MAGI2: variants seen among roughly 807,000 people sequenced by gnomAD.
MAGI2 encodes the protein membrane-associated guanylate kinase, WW and PDZ domain-containing protein 2.
MAGI2 carries 35 observed loss-of-function variants against 133.3 expected under a neutral mutation model. That is an observed-to-expected ratio of 0.26 (90% confidence interval 0.20 to 0.35). The LOEUF (loss-of-function observed/expected upper bound fraction) is 0.35, where lower values mean the gene tolerates loss of function less well. Ranked by LOEUF, MAGI2 falls within the 10% of genes least tolerant of loss-of-function variation. The pLI is 1.00. For synonymous variants in MAGI2, 729 were observed against 710.6 expected (o/e 1.03, Z -0.41); for missense variants, 1,636 against 1,863.4 (o/e 0.88, Z 2.25).
intron 1 of MAGI2, among the ~76,000 whole-genome samples, chr7:79,318,884 T>C (rs906860445): frequency 6.6e-6 from 1 of 152,204 alleles, no homozygotes; most frequent in African/African-American, 2.4e-5. Context: ...TCTCTGTATA[T>C]GAATTACAGT....
intron 9 of MAGI2, among the ~76,000 whole-genome samples, chr7:78,257,333 A>G (rs568190121): frequency 1.3e-5 from 2 of 152,218 alleles, no homozygotes; most frequent in Non-Finnish European, 2.9e-5. Context: ...GTGGACTATT[A>G]TTAATATGAT....
At chr7:79,237,547 T>G (rs1385418995) in intron 1 of MAGI2, among the ~76,000 whole-genome samples, 1 of 152,160 alleles carries the variant, frequency 6.6e-6, no homozygotes, top group Non-Finnish European at 1.5e-5. Flanking sequence ...TAATCCTCAA[T>G]GCAGAGAGAT....
In MAGI2 at chr7:78,670,567, A is replaced by T. The variant is rs1054368346; in HGVS notation, c.419-43328T>A. ...GACTTTCTTCACAGAATTGGAAAACATTACTTTAAAGTTCATATGGAACCA... is the reference window on the plus strand; with the variant it reads ...GACTTTCTTCACAGAATTGGAAAACTTTACTTTAAAGTTCATATGGAACCA... On this transcript the variant is annotated intron_variant, in intron 2 of 21. Coordinates refer to ENST00000354212, the MANE Select transcript of MAGI2 (RefSeq NM_012301.4). Among the ~76,000 whole-genome samples the T allele has an allele frequency of 5.9e-5, 9 of 152,288 alleles. No individual in the cohort carries two copies. In the South Asian group the frequency reaches 1.4e-3, roughly 25 times the overall value.
chr7:79,083,301 TTA>T (rs376430883), intron 1 of MAGI2, among the ~76,000 whole-genome samples: 42 of 23,266 alleles, frequency 1.8e-3, no homozygotes, highest in Admixed American at 7.2e-3. Context: ...AAGTATGATG[TTA>T]TTTTTTTTTT....
intron 9 of MAGI2, among the ~76,000 whole-genome samples, chr7:78,302,164 A>G (rs1034009756): frequency 1.3e-5 from 2 of 152,270 alleles, no homozygotes; most frequent in African/African-American, 4.8e-5. Context: ...TTATTGAATT[A>G]CATTAAATAT....
chr7:78,427,656 A>C (rs1799412272), intron 6 of MAGI2, among the ~76,000 whole-genome samples: 1 of 142,712 alleles, frequency 7.0e-6, no homozygotes, highest in Non-Finnish European at 1.5e-5. Flanking sequence ...GAGAACAAAA[A>C]GACAAAAAAA....
chr7:78,706,760 A>G lies in MAGI2; in HGVS notation c.419-79521T>C, dbSNP rs556099106. Among the ~76,000 whole-genome samples the G allele has an allele frequency of 3.2e-4, 48 of 152,216 alleles. 4 individuals are homozygous for G. The South Asian group carries it at 8.1e-3, about 26-fold the overall frequency. On this transcript the variant is annotated intron_variant, in intron 2 of 21. Coordinates refer to ENST00000354212, the MANE Select transcript of MAGI2 (RefSeq NM_012301.4). ...AAGATAGCTTGGCAAAGGTAGTGAA[A>G]CTGCAGCCAGCCCTGAAACAATGCA...
chr7:78,855,839 C>T (rs1793588836), intron 2 of MAGI2, among the ~76,000 whole-genome samples: 1 of 152,224 alleles, frequency 6.6e-6, no homozygotes, highest in Non-Finnish European at 1.5e-5. Context: ...CACTGTCTTC[C>T]ACAATGGTTG....
intron 6 of MAGI2, among the ~76,000 whole-genome samples, chr7:78,420,304 A>G (rs1798680978): frequency 6.6e-6 from 1 of 152,216 alleles, no homozygotes; most frequent in African/African-American, 2.4e-5. Context: ...AACAAGAAGT[A>G]AAGAATTACT....
intron 2 of MAGI2, among the ~76,000 whole-genome samples, chr7:78,976,735 T>G (rs1049582908): frequency 6.7e-6 from 1 of 149,938 alleles, no homozygotes; most frequent in Non-Finnish European, 1.5e-5. Context: ...AAAAACAAAA[T>G]AAATAACCAA....
At chr7:79,236,895 A>C (rs1451437840) in intron 1 of MAGI2, among the ~76,000 whole-genome samples, 2 of 152,156 alleles carry the variant, frequency 1.3e-5, no homozygotes, top group African/African-American at 4.8e-5. Context: ...TAAAAATATA[A>C]TTAGCTGAGG....
chr7:78,547,899 G>A (rs566625582), intron 3 of MAGI2, among the ~76,000 whole-genome samples: 198 of 152,314 alleles, frequency 1.3e-3, no homozygotes, highest in Middle Eastern at 3.4e-3. Flanking sequence ...TCCCAATAGA[G>A]GGCACATTTC....
At chr7:79,164,222 C>A (rs1199067083) in intron 1 of MAGI2, among the ~76,000 whole-genome samples, 1 of 151,980 alleles carries the variant, frequency 6.6e-6, no homozygotes, top group Non-Finnish European at 1.5e-5. Flanking sequence ...TCTGGGGAGT[C>A]ATGCCTTACA....
chr7:78,322,043 A>G (rs927301691), intron 9 of MAGI2, among the ~76,000 whole-genome samples: 1 of 152,234 alleles, frequency 6.6e-6, no homozygotes, highest in African/African-American at 2.4e-5. Context: ...GAGAAATGCA[A>G]ATCAAAACCA....
At chr7:78,718,731 TA>T (rs1260983293) in intron 2 of MAGI2, among the ~76,000 whole-genome samples, 2 of 152,022 alleles carry the variant, frequency 1.3e-5, no homozygotes, top group African/African-American at 4.8e-5. Flanking sequence ...AAGTACCCAA[TA>T]AATGTAGTGT....
At chr7:78,663,998 G>C (rs927527885) in intron 2 of MAGI2, among the ~76,000 whole-genome samples, 1 of 152,076 alleles carries the variant, frequency 6.6e-6, no homozygotes, top group Admixed American at 6.6e-5. Flanking sequence ...TAATCACTGG[G>C]TGCTATCAGG....
intron 3 of MAGI2, among the ~76,000 whole-genome samples, chr7:78,549,035 T>C (rs1799113365): frequency 6.6e-6 from 1 of 152,232 alleles, no homozygotes; most frequent in South Asian, 2.1e-4. Flanking sequence ...TTATTTTCTA[T>C]AAATAGATTG....
At position 78,167,841 on chromosome 7, in the gene MAGI2, T is replaced by C. The variant is rs192474773; in HGVS notation, c.2596+75A>G. ...GAAATGGATTTAAAATTTTGTTTCA[T>C]GTGGCCTTACCATGTCTCACAAAAG... On this transcript the variant is annotated intron_variant, in intron 15 of 21. Transcript: ENST00000354212. The C allele has an allele frequency of 1.8e-4, 252 of 1,389,364 alleles. 1 individual carries two copies. In the African/African-American group the frequency reaches 3.4e-3, roughly 19 times the overall value. 86.1% of individuals were successfully genotyped at this position (1,389,364 alleles called of 1,614,324 possible).
At chr7:79,431,863 T>TA (rs1489224152) in intron 1 of MAGI2, among the ~76,000 whole-genome samples, 1 of 152,208 alleles carries the variant, frequency 6.6e-6, no homozygotes, top group African/African-American at 2.4e-5. Flanking sequence ...GCAAAGTGGT[T>TA]AAGGGTGTAG....
Sources: allele counts gnomAD v4.1 joint callset (sites outside exome capture counted in the v4.1 genomes callset), GRCh38; gene constraint gnomAD v4.1.1; transcripts MANE v1.5; gene names NCBI Gene and HGNC (gene_info 2026-07-23, HGNC 2026-07-21).